Variants in LARP1B observed in about 807,000 individuals in gnomAD.
LARP1B encodes la-related protein 1B.
LARP1B carries 76 observed loss-of-function variants against 114.2 expected under a neutral mutation model. The ratio of observed to expected loss-of-function variants is 0.67; its 90% CI spans 0.55 to 0.81. The LOEUF (loss-of-function observed/expected upper bound fraction) is 0.81, where lower values mean the gene tolerates loss of function less well. LARP1B is among the 30% of genes least tolerant of loss of function. LARP1B has a pLI of 0.00. For synonymous variants in LARP1B, 345 were observed against 348.0 expected (o/e 0.99, Z 0.10); for missense variants, 1,014 against 1,075.8 (o/e 0.94, Z 0.80).
chr4:128,199,037 T>C (rs75146994), intron 15 of LARP1B, among the ~76,000 whole-genome samples: 92 of 152,348 alleles, frequency 6.0e-4, no homozygotes, highest in Middle Eastern at 3.4e-3. Context: ...TTGCCCATCT[T>C]TGTGCCAGAT....
chr4:128,085,195 G>A (rs760830114), intron 5 of LARP1B, among the ~76,000 whole-genome samples: 3 of 151,982 alleles, frequency 2.0e-5, no homozygotes, highest in Non-Finnish European at 4.4e-5. Flanking sequence ...ACTTGGTTGA[G>A]GTAGTGTACT....
At chr4:128,129,954 T>C (rs969948445) in intron 11 of LARP1B, among the ~76,000 whole-genome samples, 2 of 152,192 alleles carry the variant, frequency 1.3e-5, no homozygotes, top group Non-Finnish European at 2.9e-5. Context: ...CTTGGGCTTA[T>C]CATGACTTTT....
intron 11 of LARP1B, chr4:128,122,453 T>TG: frequency 6.6e-7 from 1 of 1,506,466 alleles, no homozygotes; most frequent in African/African-American, 1.4e-5. Flanking sequence ...TTTTTTTTTT[T>TG]GTTTTGTTTT....
At chr4:128,064,903 C>A (rs1761803454) in intron 1 of LARP1B, among the ~76,000 whole-genome samples, 1 of 151,804 alleles carries the variant, frequency 6.6e-6, no homozygotes, top group South Asian at 2.1e-4. Context: ...AGCAAGACCA[C>A]GTTTAAAATA....
chr4:128,188,476 A>AT (rs1365750625), intron 15 of LARP1B, among the ~76,000 whole-genome samples: 2 of 152,128 alleles, frequency 1.3e-5, no homozygotes, highest in Non-Finnish European at 2.9e-5. Flanking sequence ...CATTTCATTG[A>AT]TTTTTTGTAC....
intron 7 of LARP1B, chr4:128,222,217 A>G: frequency 2.4e-6 from 1 of 416,060 alleles, no homozygotes; most frequent in Non-Finnish European, 4.9e-6. Flanking sequence ...AGATGCCGTT[A>G]TTTCTACTGA....
intron 1 of LARP1B, among the ~76,000 whole-genome samples, chr4:128,073,941 G>T (rs1766749267): frequency 6.7e-6 from 1 of 149,074 alleles, no homozygotes; most frequent in Non-Finnish European, 1.5e-5. Flanking sequence ...AATACGCTGT[G>T]TTTTTTTTTG....
At chr4:128,184,801 C>CT (rs981383459) in intron 15 of LARP1B, among the ~76,000 whole-genome samples, 1 of 152,140 alleles carries the variant, frequency 6.6e-6, no homozygotes, top group African/African-American at 2.4e-5. Context: ...ATGAGATCTA[C>CT]TTTTTTACCT....
At chr4:128,193,918 T>A (rs2150818226) in intron 15 of LARP1B, among the ~76,000 whole-genome samples, 1 of 152,124 alleles carries the variant, frequency 6.6e-6, no homozygotes, top group South Asian at 2.1e-4. Context: ...GCGCTTGGCC[T>A]CTTACTCCTT....
chr4:128,138,871 C>T (rs1332820027), intron 11 of LARP1B, among the ~76,000 whole-genome samples: 5 of 152,038 alleles, frequency 3.3e-5, no homozygotes, highest in South Asian at 2.1e-4. Context: ...GCATGAGAAT[C>T]GCTTGAACCT....
chr4:128,107,486 T>G, intron 9 of LARP1B, 173 bp downstream of exon 9: 1 of 1,429,272 alleles, frequency 7.0e-7, no homozygotes, highest in African/African-American at 1.4e-5. Flanking sequence ...AGTTACAAAT[T>G]AAATAAGGAT....
At chr4:128,169,450 A>G (rs1282536139) in intron 12 of LARP1B, among the ~76,000 whole-genome samples, 1 of 151,778 alleles carries the variant, frequency 6.6e-6, no homozygotes. Context: ...TAATTTTTTG[A>G]TACATCAGCT....
chr4:128,185,810 A>C (rs1385034624), intron 15 of LARP1B, among the ~76,000 whole-genome samples: 2 of 152,138 alleles, frequency 1.3e-5, no homozygotes, highest in African/African-American at 4.8e-5. Context: ...TAGTAATTTC[A>C]TAGCTTTGGG....
At chr4:128,187,136 A>G (rs1351786778) in intron 15 of LARP1B, among the ~76,000 whole-genome samples, 1 of 152,222 alleles carries the variant, frequency 6.6e-6, no homozygotes, top group Admixed American at 6.5e-5. Context: ...TGGATCCCTC[A>G]TACAGACTCC....
intron 8 of LARP1B, among the ~76,000 whole-genome samples, chr4:128,106,269 G>A (rs1366506513): frequency 2.0e-5 from 3 of 152,042 alleles, no homozygotes; most frequent in African/African-American, 4.8e-5. Context: ...TGATCCACCC[G>A]CCCCGGTCTC....
chr4:128,072,535 T>G (rs1293998612), intron 1 of LARP1B, among the ~76,000 whole-genome samples: 1 of 152,070 alleles, frequency 6.6e-6, no homozygotes, highest in Non-Finnish European at 1.5e-5. Flanking sequence ...TTAGGCTTCT[T>G]TTACTTGTAA....
rs977373507 is a variant in LARP1B, at chr4:128,210,499, C to T, written c.*446C>T. The T allele has an allele frequency of 5.1e-6, 5 of 987,508 alleles. No individual in the cohort carries two copies. Among genetic ancestry groups the T allele is most frequent in the Middle Eastern group, 5.2e-4 (1 of 1,918 alleles). The allele number at this position is 987,508 out of a possible 1,614,324, so 61.2% of individuals were successfully genotyped here. On this transcript the variant is annotated 3_prime_UTR_variant, in exon 20 of 20. Transcript: ENST00000326639. ...CTTAAAGAATCCACAATCCAATTAC[C>T]CCACTGTCAATTCATATTTGAACTT...
At chr4:128,081,511 A>G (rs1365469724) in intron 4 of LARP1B, among the ~76,000 whole-genome samples, 1 of 151,882 alleles carries the variant, frequency 6.6e-6, no homozygotes, top group East Asian at 1.9e-4. Flanking sequence ...CTTCTACGAA[A>G]TGACAGATTG....
intron 4 of LARP1B, among the ~76,000 whole-genome samples, chr4:128,079,917 G>T (rs577992250): frequency 6.6e-6 from 1 of 151,602 alleles, no homozygotes; most frequent in Non-Finnish European, 1.5e-5. Context: ...TCCTACATAC[G>T]TAAGTAGTGT....
Sources: gnomAD v4.1 joint callset for allele counts (sites outside exome capture counted in the v4.1 genomes callset) on GRCh38, gnomAD v4.1.1 for gene constraint, MANE v1.5 for transcripts, NCBI Gene and HGNC (gene_info 2026-07-23, HGNC 2026-07-21) for gene names.